The following DDHD1 variants were observed in gnomAD, a reference collection of about 807,000 sequenced individuals.
The protein encoded by DDHD1 is DDHD domain containing 1.
DDHD1 carries 49 observed loss-of-function variants against 96.4 expected under a neutral mutation model. The observed-to-expected ratio is 0.51, with a 90% CI of 0.40 to 0.64. The LOEUF is 0.64. Among genes scored for constraint, DDHD1 ranks in the 30% least tolerant of loss-of-function variants. The pLI is 0.00. For missense variants in DDHD1, 1,106 were observed against 1,161.2 expected (o/e 0.95, Z 0.69); for synonymous variants, 442 against 446.5 (o/e 0.99, Z 0.13).
intron 4 of DDHD1, among the ~76,000 whole-genome samples, chr14:53,074,243 T>G (rs1177567095): frequency 1.3e-5 from 2 of 151,854 alleles, no homozygotes; most frequent in African/African-American, 4.8e-5. Context: ...TAAAATTTTA[T>G]TTAAAAATAT....
At chr14:53,074,834 G>C (rs980329008) in intron 4 of DDHD1, among the ~76,000 whole-genome samples, 1 of 152,046 alleles carries the variant, frequency 6.6e-6, no homozygotes, top group African/African-American at 2.4e-5. Context: ...ACCTTGCATG[G>C]AGCAAGTCTA....
chr14:53,137,977 T>C (rs991642768), intron 1 of DDHD1, among the ~76,000 whole-genome samples: 4 of 152,212 alleles, frequency 2.6e-5, no homozygotes, highest in African/African-American at 7.2e-5. Context: ...TCAGAAACTA[T>C]AGAAGTGAAA....
chr14:53,128,964 C>G (rs1324122584), intron 1 of DDHD1, among the ~76,000 whole-genome samples: 2 of 152,184 alleles, frequency 1.3e-5, no homozygotes, highest in African/African-American at 4.8e-5. Context: ...TAACAAGGTA[C>G]TTTATAATAT....
intron 2 of DDHD1, chr14:53,103,009 C>A: frequency 6.4e-7 from 1 of 1,557,404 alleles, no homozygotes; most frequent in Non-Finnish European, 8.7e-7. Context: ...AAATTCTAAT[C>A]TACCTGTACA....
chr14:53,103,175 C>A (rs1887438543), intron 2 of DDHD1: 8 of 836,422 alleles, frequency 9.6e-6, no homozygotes, highest in Admixed American at 3.2e-5. Context: ...TGAACTGTTA[C>A]AAAAATATGC....
intron 12 of DDHD1, among the ~76,000 whole-genome samples, chr14:53,049,199 AG>A (rs1334525434): frequency 6.6e-6 from 1 of 152,196 alleles, no homozygotes; most frequent in Non-Finnish European, 1.5e-5. Flanking sequence ...TATCACTTAA[AG>A]GGACTTTACT....
At position 53,037,266 on chromosome 14, in the gene DDHD1, T is replaced by A. The variant is rs1881332360; in HGVS notation, c.*9502A>T. The A allele has an allele frequency of 1.3e-5, 2 of 152,176 alleles. No individual in the cohort carries two copies. The highest frequency in any genetic ancestry group is 4.8e-5 in the African/African-American group (2 of 41,454). The allele number at this position is 152,176 out of a possible 1,614,324, so 9.4% of individuals were successfully genotyped here. A position where few individuals can be genotyped will look rare whatever the true frequency, so the allele number is the denominator to read the frequency against. On this transcript the variant is annotated 3_prime_UTR_variant, in exon 13 of 13. Transcript: ENST00000673822. ...TTTGGTAGAAGGATTTATTTCCTTT[T>A]GGGAAATAAACCCATATGCTGGGTT...
At chr14:53,130,587 T>C (rs1000565145) in intron 1 of DDHD1, among the ~76,000 whole-genome samples, 4 of 152,042 alleles carry the variant, frequency 2.6e-5, no homozygotes, top group Non-Finnish European at 1.5e-5. Flanking sequence ...CCCAGCCACA[T>C]CTCCAGCACA....
chr14:53,037,008 C>T lies in DDHD1; in HGVS notation c.*9760G>A, dbSNP rs1475658886. On this transcript the variant is annotated 3_prime_UTR_variant, in exon 13 of 13. Transcript: ENST00000673822. ...TCCTGAGGTACTCAATATTTAGCTCCCATTTGTTAGAACATGCAGTACTTG... is the reference window on the plus strand; with the variant it reads ...TCCTGAGGTACTCAATATTTAGCTCTCATTTGTTAGAACATGCAGTACTTG... 6.6e-6 allele frequency: 1 copy of T among 151,996 alleles called. No homozygotes were observed. Among genetic ancestry groups the T allele is most frequent in the Non-Finnish European group, 1.5e-5 (1 of 67,990 alleles). The allele number at this position is 151,996 out of a possible 1,614,324, so 9.4% of individuals were successfully genotyped here.
intron 1 of DDHD1, among the ~76,000 whole-genome samples, chr14:53,149,507 A>G (rs1214146458): frequency 6.6e-6 from 1 of 152,236 alleles, no homozygotes; most frequent in Non-Finnish European, 1.5e-5. Context: ...AGAAAGTGTG[A>G]AAACTTACAC....
At chr14:53,113,134 A>G (rs1345732496) in intron 1 of DDHD1, among the ~76,000 whole-genome samples, 2 of 141,216 alleles carry the variant, frequency 1.4e-5, no homozygotes, top group South Asian at 2.2e-4. Context: ...TAACTTTTCT[A>G]TTTTTTTTTT....
chr14:53,150,810 G>A (rs1401356195), intron 1 of DDHD1, among the ~76,000 whole-genome samples: 1 of 152,112 alleles, frequency 6.6e-6, no homozygotes, highest in Non-Finnish European at 1.5e-5. Context: ...CAAGAGTACC[G>A]TTATGCACAT....
At chr14:53,065,780 G>C (rs987933328) in intron 6 of DDHD1, among the ~76,000 whole-genome samples, 3 of 152,168 alleles carry the variant, frequency 2.0e-5, no homozygotes, top group Non-Finnish European at 4.4e-5. Flanking sequence ...CTACCTTAGT[G>C]CATATCTCCA....
At chr14:53,140,219 A>G (rs1890546647) in intron 1 of DDHD1, among the ~76,000 whole-genome samples, 1 of 152,200 alleles carries the variant, frequency 6.6e-6, no homozygotes, top group Admixed American at 6.5e-5. Context: ...GATCTAACAT[A>G]CATACGTAAT....
Position 53,058,617 on chromosome 14 carries a change from A to C in DDHD1, c.1852T>G (p.Phe618Val), listed in dbSNP as rs1325823384. 1 of 1,598,748 alleles carries C rather than the reference A, an allele frequency of 6.3e-7. No individual in the cohort carries two copies. Among genetic ancestry groups the C allele is most frequent in the East Asian group, 2.2e-5 (1 of 44,684 alleles). The change falls in exon 9 of 13, where the codon TTC becomes GTC. Residue 618 changes from phenylalanine to valine, a missense_variant. Physicochemically the swap from Phe to Val is conservative, Grantham distance 50. Coordinates refer to ENST00000673822, the MANE Select transcript of DDHD1 (RefSeq NM_001160148.2). ...TPALKFKVEN[F>V]FCMGSPLAVF... ...GCTAATGGGGATCCCATACAGAAGA[A>C]ATTCTCAACCTAAAATGATAAAGTC... is the stretch of plus-strand genomic sequence containing the variant.
intron 1 of DDHD1, among the ~76,000 whole-genome samples, chr14:53,140,971 A>T (rs1595261149): frequency 6.6e-6 from 1 of 152,244 alleles, no homozygotes; most frequent in East Asian, 1.9e-4. Flanking sequence ...CCAGAGATAA[A>T]GGGGGATATT....
At chr14:53,066,860 A>G (rs933577037) in intron 6 of DDHD1, among the ~76,000 whole-genome samples, 1 of 151,544 alleles carries the variant, frequency 6.6e-6, no homozygotes, top group Non-Finnish European at 1.5e-5. Flanking sequence ...CCAGCTACTC[A>G]GGAGCCTAAG....
At chr14:53,067,017 C>T (rs1884081015) in intron 6 of DDHD1, among the ~76,000 whole-genome samples, 1 of 151,280 alleles carries the variant, frequency 6.6e-6, no homozygotes, top group South Asian at 2.1e-4. Context: ...TTTTGTTCTT[C>T]ACCATGCCTT....
At chr14:53,098,852 A>G (rs144390422) in intron 2 of DDHD1, among the ~76,000 whole-genome samples, 85 of 152,236 alleles carry the variant, frequency 5.6e-4, no homozygotes, top group African/African-American at 2.0e-3. Flanking sequence ...TACCTGGAAC[A>G]GTAAGAATTC....
Sources: gnomAD v4.1 joint callset for allele counts (sites outside exome capture counted in the v4.1 genomes callset) on GRCh38, gnomAD v4.1.1 for gene constraint, MANE v1.5 for transcripts, NCBI Gene and HGNC (gene_info 2026-07-23, HGNC 2026-07-21) for gene names.